SRRM2: variants seen among roughly 807,000 people sequenced by gnomAD.
SRRM2 encodes the protein serine/arginine repetitive matrix protein 2.
Under a neutral mutation model 213.8 loss-of-function variants are expected in SRRM2, and 30 were observed. That is an observed-to-expected ratio of 0.14 (90% CI 0.10 to 0.19). The LOEUF (loss-of-function observed/expected upper bound fraction) is 0.19, where lower values mean the gene tolerates loss of function less well. SRRM2 is among the 10% of genes least tolerant of loss of function. The pLI is 1.00. For synonymous variants in SRRM2, 2,025 were observed against 1,377.7 expected, an observed-to-expected ratio of 1.47 and a Z score of -10.40; for missense variants, 4,904 against 3,647.0, an observed-to-expected ratio of 1.34 and a Z score of -8.88.
intron 8 of SRRM2, 57 bp from the exon 9 acceptor site, chr16:2,759,512 G>A: frequency 6.2e-7 from 1 of 1,605,456 alleles, no homozygotes; most frequent in Non-Finnish European, 8.5e-7. Context: ...GGATACGTGA[G>A]GAGAATCCAG....
chr16:2,761,138 CTT>C (rs1596272996), intron 10 of SRRM2, among the ~76,000 whole-genome samples: 1 of 152,304 alleles, frequency 6.6e-6, no homozygotes, highest in East Asian at 1.9e-4. Context: ...TCCTGGGCTG[CTT>C]TTTTACTCTT....
At position 2,767,102 on chromosome 16, in the gene SRRM2, A is replaced by C; in HGVS notation, c.6574A>C (p.Thr2192Pro). 6.2e-7 allele frequency: 1 copy of C among 1,614,084 alleles called. No individual in the cohort carries two copies. The highest frequency in any genetic ancestry group is 2.2e-5 in the East Asian group (1 of 44,878). ...ALALTAISLG[T>P]ARPPPSMSAA... is the part of the protein sequence containing the mutation. ...TGCCCTGACAGCTATCAGTCTTGGC[A>C]CCGCTCGGCCTCCTCCGTCCATGTC... The change falls in exon 11 of 15, where the codon ACC (threonine) becomes CCC (proline). Residue 2192 changes from threonine to proline, a missense_variant. By Grantham distance (38) the Thr-to-Pro change is conservative. Coordinates refer to ENST00000301740, the MANE Select transcript of SRRM2 (RefSeq NM_016333.4).
At chr16:2,761,496 C>T (rs997395270) in intron 10 of SRRM2, 65 bp from the exon 11 acceptor site, 14 of 1,359,072 alleles carry the variant, frequency 1.0e-5, no homozygotes, top group East Asian at 5.0e-5. Flanking sequence ...GTGTTGGGAT[C>T]TTAGGGGTGA....
Position 2,768,135 on chromosome 16 carries a change from C to A in SRRM2, c.7607C>A (p.Ser2536Ter). Residue 2536 changes from serine to a stop codon, truncating the protein, a stop_gained, in exon 11 of 15, where the codon TCG (serine) becomes TAG (stop). Coordinates refer to ENST00000301740, the MANE Select transcript of SRRM2 (RefSeq NM_016333.4). LOFTEE classifies it high-confidence loss of function. ...AAGGAGCGGCGGAGTTCCTCCTCGT[C>A]GTCGTCGTCCTCTAGCTCCTCCTCT... ...PAKERRSSSS[S>*]SSSSSSSSSS... 1 of 1,613,702 alleles carries A rather than the reference C, an allele frequency of 6.2e-7. No homozygotes were observed. Among genetic ancestry groups the A allele is most frequent in the Non-Finnish European group, 8.5e-7 (1 of 1,179,692 alleles).
Position 2,767,848 on chromosome 16 carries a change from C to T in SRRM2, c.7320C>T (p.Leu2440=), listed in dbSNP as rs780327109. The T allele has an allele frequency of 2.3e-5, 37 of 1,613,962 alleles. No individual in the cohort carries two copies. Among genetic ancestry groups the T allele is most frequent in the South Asian group, 8.8e-5 (8 of 91,078 alleles). Residue 2440 remains leucine, a synonymous_variant, in exon 11 of 15, where the codon CTC becomes CTT. Transcript: ENST00000301740. ...RMGQAPSQSL[L]PPAQDQPRSP... ...GCCAGGCTCCTTCACAGTCTCTTCT[C>T]CCTCCAGCACAGGATCAGCCGAGGT... is the stretch of plus-strand genomic sequence containing the variant.
rs2068605884 is a variant in SRRM2 at position 2,768,088 on chromosome 16, A to G, written c.7560A>G (p.Ala2520=). 1 of 1,614,134 alleles carries G rather than the reference A, an allele frequency of 6.2e-7. No homozygotes were observed. Among genetic ancestry groups the G allele is most frequent in the Non-Finnish European group, 8.5e-7 (1 of 1,180,020 alleles). Residue 2520 remains alanine (A), a synonymous_variant, in exon 11 of 15, where the codon GCA becomes GCG. Transcript: ENST00000301740. ...CTACTGGGGCCCAGCAGCCTTCTGC[A>G]TTAGCCGCCCTGCAGCCAGCAAAGG... The part of the protein sequence containing the change: ...PASTGAQQPS[A]LAALQPAKER...
chr16:2,755,460 CAG>C (rs928516638), intron 1 of SRRM2, among the ~76,000 whole-genome samples: 1 of 152,076 alleles, frequency 6.6e-6, no homozygotes, highest in Non-Finnish European at 1.5e-5. Context: ...ACGGTTGGAA[CAG>C]AGGAGGCTGG....
chr16:2,761,409 T>C, intron 10 of SRRM2, 152 bp from the exon 11 acceptor site: 1 of 582,454 alleles, frequency 1.7e-6, no homozygotes, highest in Non-Finnish European at 2.8e-6. Flanking sequence ...CTGTGCTTTA[T>C]ATGATTCCTT....
chr16:2,760,402 A>C lies in SRRM2; in HGVS notation c.935A>C (p.Glu312Ala). 2 of 1,614,160 alleles carry C rather than the reference A, an allele frequency of 1.2e-6. No homozygotes were observed. Among genetic ancestry groups the C allele is most frequent in the Non-Finnish European group, 1.7e-6 (2 of 1,180,024 alleles). ...RRGEGDAPFS[E>A]PGTTSTQRPS... ...GGGGAGGGAGATGCGCCTTTCAGTG[A>C]ACCAGGTACTACCAGCACACAACGG... The change falls in exon 10 of 15, where the codon GAA becomes GCA. Residue 312 changes from glutamate (E) to alanine (A), a missense_variant. Transcript: ENST00000301740.
rs746487829 is a variant in SRRM2, at chr16:2,761,867, C to G, written c.1339C>G (p.Pro447Ala). 3.1e-6 allele frequency: 5 copies of G among 1,609,758 alleles called. No homozygotes were observed. The East Asian group carries it at 6.7e-5, about 22-fold the overall frequency. ...SPESPKPAPAPGSHREISSSP... is the reference protein window; with the variant it reads ...SPESPKPAPAAGSHREISSSP... ...AGAAAGTCCTAAACCTGCTCCAGCTCCAGGGTCCCACCGAGAGATTTCTTC... is the reference window on the plus strand; with the variant it reads ...AGAAAGTCCTAAACCTGCTCCAGCTGCAGGGTCCCACCGAGAGATTTCTTC... The change falls in exon 11 of 15, where the codon CCA becomes GCA. Residue 447 changes from proline (P) to alanine (A), a missense_variant. Pro to Ala is a conservative substitution (Grantham distance 27). Coordinates refer to ENST00000301740, the MANE Select transcript of SRRM2 (RefSeq NM_016333.4).
At position 2,762,340 on chromosome 16, in the gene SRRM2, T is replaced by G; in HGVS notation, c.1812T>G (p.Ser604=). 2 of 1,613,966 alleles carry G rather than the reference T, an allele frequency of 1.2e-6. No homozygotes were observed. The highest frequency in any genetic ancestry group is 1.7e-6 in the Non-Finnish European group (2 of 1,179,870). The stretch of plus-strand genomic sequence containing the variant: ...CCAGAACTCCCACCAGGCGTAGGTC[T>G]CGGTCTAGAACACCAGCCCGGAGGG... The part of the protein sequence containing the change: ...SRSRTPTRRR[S]RSRTPARRGR... The change falls in exon 11 of 15, where the codon TCT becomes TCG. Residue 604 remains serine (S), a synonymous_variant. Coordinates refer to ENST00000301740, the MANE Select transcript of SRRM2 (RefSeq NM_016333.4).
Position 2,763,607 on chromosome 16 carries a change from C to A in SRRM2, c.3079C>A (p.Gln1027Lys), listed in dbSNP as rs774781038. 1.2e-6 allele frequency: 2 copies of A among 1,614,110 alleles called. No homozygotes were observed. The highest frequency in any genetic ancestry group is 1.3e-5 in the African/African-American group (1 of 75,040). The change falls in exon 11 of 15, where the codon CAA becomes AAA. Residue 1027 changes from glutamine to lysine, a missense_variant. Transcript: ENST00000301740. ...PQEKSKDSLVQSCPGSLSLCA... is the reference protein window; with the variant it reads ...PQEKSKDSLVKSCPGSLSLCA... Reference sequence around the variant, plus strand: ...AGAGAAGTCTAAAGACTCACTAGTTCAAAGTTGCCCTGGATCCCTCTCTCT... The same window carrying A: ...AGAGAAGTCTAAAGACTCACTAGTTAAAAGTTGCCCTGGATCCCTCTCTCT...
At chr16:2,759,116 T>A in intron 6 of SRRM2, 24 bp from the exon 7 acceptor site, 1 of 1,614,110 alleles carries the variant, frequency 6.2e-7, no homozygotes, top group South Asian at 1.1e-5. Flanking sequence ...TTTCTTATGT[T>A]TTTTCTTCTC....
chr16:2,754,823 A>C (rs1189182603), intron 1 of SRRM2, among the ~76,000 whole-genome samples: 1 of 152,148 alleles, frequency 6.6e-6, no homozygotes, highest in East Asian at 1.9e-4. Flanking sequence ...TTTGAGCCAT[A>C]CAGTTTTTCA....
At chr16:2,758,923 G>T (rs1242910448) in intron 5 of SRRM2, 62 bp from the exon 6 acceptor site, 4 of 1,593,304 alleles carry the variant, frequency 2.5e-6, no homozygotes, top group Non-Finnish European at 3.4e-6. Flanking sequence ...GAGAGAGATT[G>T]TAAGTGGGAG....
In SRRM2 at chr16:2,763,545, G is replaced by C. The variant is rs1338155097; in HGVS notation, c.3017G>C (p.Gly1006Ala). 3.1e-6 allele frequency: 5 copies of C among 1,614,048 alleles called. No homozygotes were observed. The highest frequency in any genetic ancestry group is 2.5e-6 in the Non-Finnish European group (3 of 1,180,006). ...YPKVKAQTPP[G>A]PSLSGSKSPC... ...AAAGTAAAGGCCCAAACTCCACCGG[G>C]GCCAAGTCTTTCTGGATCAAAGTCA... Residue 1006 changes from glycine (G) to alanine (A), a missense_variant, in exon 11 of 15, where the codon GGG (glycine) becomes GCG (alanine). Transcript: ENST00000301740.
Position 2,769,049 on chromosome 16 carries a change from C to G in SRRM2, c.7786C>G (p.Pro2596Ala). The G allele has an allele frequency of 6.2e-7, 1 of 1,614,146 alleles. No homozygotes were observed. Among genetic ancestry groups the G allele is most frequent in the Non-Finnish European group, 8.5e-7 (1 of 1,180,038 alleles). The change falls in exon 12 of 15, where the codon CCG (proline) becomes GCG (alanine). Residue 2596 changes from proline to alanine, a missense_variant. Transcript: ENST00000301740. ...PKEAVREGRP[P>A]EPTPAKRKRR... ...GGAGGCTGTTCGAGAGGGACGTCCT[C>G]CGGAGCCAACCCCAGCCAAACGGAA...
At position 2,765,191 on chromosome 16, in the gene SRRM2, G is replaced by C; in HGVS notation, c.4663G>C (p.Glu1555Gln). Residue 1555 changes from glutamate (E) to glutamine (Q), a missense_variant, in exon 11 of 15, where the codon GAA becomes CAA. Transcript: ENST00000301740. Reference protein sequence around the residue: ...LDVKPSASPQERSESDSSPDS... With the variant: ...LDVKPSASPQQRSESDSSPDS... ...TGTGAAACCCAGTGCATCCCCTCAG[G>C]AAAGAAGTGAGTCAGACTCTTCTCC... is the stretch of plus-strand genomic sequence containing the variant. 4 of 1,614,140 alleles carry C rather than the reference G, an allele frequency of 2.5e-6. No homozygotes were observed. In the South Asian group the frequency reaches 4.4e-5, roughly 18 times the overall value.
Position 2,770,658 on chromosome 16 carries a change from C to A in SRRM2, c.8190C>A (p.Pro2730=). 1.3e-6 allele frequency: 2 copies of A among 1,554,326 alleles called. No homozygotes were observed. Among genetic ancestry groups the A allele is most frequent in the Non-Finnish European group, 1.7e-6 (2 of 1,148,354 alleles). Reference sequence around the variant, plus strand: ...GCCAGCGTGGGGACAGCCGCTCCCCCAGCCACAAGCGCAGGAGGGAGACAC... The same window carrying A: ...GCCAGCGTGGGGACAGCCGCTCCCCAAGCCACAAGCGCAGGAGGGAGACAC... The part of the protein sequence containing the change: ...RRGQRGDSRS[P]SHKRRRETPS... The change falls in exon 14 of 15, where the codon CCC becomes CCA. Residue 2730 remains proline (P), a synonymous_variant. Transcript: ENST00000301740.
Sources: allele counts gnomAD v4.1 joint callset (sites outside exome capture counted in the v4.1 genomes callset), GRCh38; gene constraint gnomAD v4.1.1; transcripts MANE v1.5; gene names NCBI Gene and HGNC (gene_info 2026-07-23, HGNC 2026-07-21).